Variants in MMP19 observed in about 807,000 individuals in gnomAD.
MMP19 encodes matrix metallopeptidase 19, also known as matrix metalloproteinase-19.
A neutral mutation model predicts 46.6 loss-of-function variants in MMP19; 47 were observed. The observed-to-expected ratio is 1.01, with a 90% CI of 0.80 to 1.29. MMP19 has a LOEUF of 1.29. MMP19 is among the 50% of genes most tolerant of loss of function. MMP19 has a pLI of 0.00. For missense variants in MMP19, 589 were observed against 643.5 expected, an observed-to-expected ratio of 0.92 and a Z score of 0.92; for synonymous variants, 222 against 248.5, an observed-to-expected ratio of 0.89 and a Z score of 1.00.
chr12:55,839,016 G>T (rs1008428354), intron 5 of MMP19, among the ~76,000 whole-genome samples: 2 of 152,062 alleles, frequency 1.3e-5, no homozygotes, highest in African/African-American at 2.4e-5. Context: ...GAGGCGGGTG[G>T]ATTGCCTGAG....
At position 55,839,534 on chromosome 12, in the gene MMP19, A is replaced by T. The variant is rs916534038; in HGVS notation, c.728T>A (p.Leu243Gln). ...VYEGYRPHFKLHPDDVAGIQA... is the reference protein window; with the variant it reads ...VYEGYRPHFKQHPDDVAGIQA... ...GATCCCTGCCACATCATCTGGGTGC[A>T]GCTTAAAGTGGGGCCGGTAGCCCTC... is the stretch of plus-strand genomic sequence containing the variant. Residue 243 changes from leucine (L) to glutamine (Q), a missense_variant, in exon 5 of 9, where the codon CTG (leucine) becomes CAG (glutamine). Leu to Gln is a moderately radical substitution (Grantham distance 113, BLOSUM62 -2). Coordinates refer to ENST00000322569, the MANE Select transcript of MMP19 (RefSeq NM_002429.6). 1 of 1,612,800 alleles carries T rather than the reference A, an allele frequency of 6.2e-7. No homozygotes were observed. Among genetic ancestry groups the T allele is most frequent in the African/African-American group, 1.3e-5 (1 of 74,906 alleles).
chr12:55,840,781 A>C lies in MMP19; in HGVS notation c.406T>G (p.Trp136Gly), dbSNP rs1459390595. 2 of 1,613,868 alleles carry C rather than the reference A, an allele frequency of 1.2e-6. No individual in the cohort carries two copies. Among genetic ancestry groups the C allele is most frequent in the Non-Finnish European group, 1.7e-6 (2 of 1,179,896 alleles). ...RAALRQAFQD[W>G]SNVAPLTFQE... Reference sequence around the variant, plus strand: ...AAGGTCAAGGGAGCCACATTGCTCCAGTCCTGGAAGGCTTGACGCAGGGCT... The same window carrying C: ...AAGGTCAAGGGAGCCACATTGCTCCCGTCCTGGAAGGCTTGACGCAGGGCT... Residue 136 changes from tryptophan (W) to glycine (G), a missense_variant, in exon 4 of 9, where the codon TGG becomes GGG. Transcript: ENST00000322569.
At chr12:55,838,764 G>A in intron 5 of MMP19, 30 bp from the exon 6 acceptor site, 3 of 1,529,666 alleles carry the variant, frequency 2.0e-6, no homozygotes, top group Non-Finnish European at 2.7e-6. Flanking sequence ...TGCTTAGGGA[G>A]AGAACTCACA....
chr12:55,838,063 C>G (rs1881391339), intron 6 of MMP19, 56 bp from the exon 7 acceptor site: 1 of 1,491,524 alleles, frequency 6.7e-7, no homozygotes, highest in African/African-American at 1.4e-5. Flanking sequence ...TAGACAGAAA[C>G]TTGGGGGTAT....
chr12:55,842,912 C>A lies in MMP19; in HGVS notation c.-82G>T. 1 of 1,060,622 alleles carries A rather than the reference C, an allele frequency of 9.4e-7. No individual in the cohort carries two copies. The highest frequency in any genetic ancestry group is 1.4e-5 in the South Asian group (1 of 73,904). 65.7% of individuals were successfully genotyped at this position (1,060,622 alleles called of 1,614,324 possible). On this transcript the variant is annotated 5_prime_UTR_variant, in exon 1 of 9. Coordinates refer to ENST00000322569, the MANE Select transcript of MMP19 (RefSeq NM_002429.6). ...GGAGCCTTGGGGGAGCAGTGCTAGGCAGAGGGGCTCTTACCCCCAGTTCTT... is the reference window on the plus strand; with the variant it reads ...GGAGCCTTGGGGGAGCAGTGCTAGGAAGAGGGGCTCTTACCCCCAGTTCTT...
rs769362237 is a variant in MMP19 at position 55,839,654 on chromosome 12, C to A, written c.608G>T (p.Gly203Val). 7 of 1,614,254 alleles carry A rather than the reference C, an allele frequency of 4.3e-6. No individual in the cohort carries two copies. The highest frequency in any genetic ancestry group is 5.9e-6 in the Non-Finnish European group (7 of 1,180,038). Residue 203 changes from glycine (G) to valine (V), a missense_variant, in exon 5 of 9, where the codon GGG (glycine) becomes GTG (valine). Coordinates refer to ENST00000322569, the MANE Select transcript of MMP19 (RefSeq NM_002429.6). ...GGCTGCAATGATGCGCAGGTTCACC[C>A]CACGGTAGGTCCCCTCAGTCCAGAA... ...DEFWTEGTYR[G>V]VNLRIIAAHE...
intron 5 of MMP19, among the ~76,000 whole-genome samples, chr12:55,838,978 G>A (rs1289595171): frequency 6.6e-6 from 1 of 152,152 alleles, no homozygotes; most frequent in Non-Finnish European, 1.5e-5. Flanking sequence ...GGTGGCTCAC[G>A]CCTATAATCC....
In MMP19 at chr12:55,842,757, T is replaced by A; in HGVS notation, c.74A>T (p.Glu25Val). The A allele has an allele frequency of 6.2e-7, 1 of 1,605,714 alleles. No homozygotes were observed. Among genetic ancestry groups the A allele is most frequent in the Non-Finnish European group, 8.5e-7 (1 of 1,176,512 alleles). The change falls in exon 1 of 9, where the codon GAG becomes GTG. Residue 25 changes from glutamate (E) to valine (V), a missense_variant. Glu to Val is a moderately radical substitution (Grantham distance 121, BLOSUM62 -2). Transcript: ENST00000322569. ...TVSGRVLGLA[E>V]VAPVDYLSQY... is the part of the protein sequence containing the mutation. ...TGGGGGACTTACCACAGGCGCCACCTCTGCAAGCCCCAGGACCCGGCCTGA... is the reference window on the plus strand; with the variant it reads ...TGGGGGACTTACCACAGGCGCCACCACTGCAAGCCCCAGGACCCGGCCTGA...
intron 2 of MMP19, 124 bp from the exon 3 acceptor site, chr12:55,841,360 G>C: frequency 9.0e-7 from 1 of 1,106,372 alleles, no homozygotes; most frequent in South Asian, 1.4e-5. Flanking sequence ...CCCTGAAGCT[G>C]ACAGGGTTAC....
rs17844801 is a variant in MMP19, at chr12:55,838,997, T to C, written c.767-263A>G. ...GCTCACGCCTATAATCCTAGGACTT[T>C]GGGAGGCTGAGGCGGGTGGATTGCC... On this transcript the variant is annotated intron_variant, in intron 5 of 8. Transcript: ENST00000322569. Among the ~76,000 whole-genome samples the C allele has an allele frequency of 5.5e-4, 83 of 152,238 alleles. 1 individual carries two copies. Among genetic ancestry groups the C allele is most frequent in the Admixed American group, 2.0e-3 (31 of 15,282 alleles).
chr12:55,838,406 A>G, intron 6 of MMP19, 200 bp downstream of exon 6: 1 of 1,239,386 alleles, frequency 8.1e-7, no homozygotes, highest in Non-Finnish European at 1.2e-6. Context: ...CAGCCTTGGT[A>G]AGTGCCTGCC....
Position 55,837,921 on chromosome 12 carries a change from C to A in MMP19, c.982G>T (p.Ala328Ser). ...TTTCCGGGGAGCCCCTCCCAAAGGG[C>A]AGACACTCGGAACAAGGGGCCCGGT... ...SGPGPLFRVS[A>S]LWEGLPGNLD... The change falls in exon 7 of 9, where the codon GCC (alanine) becomes TCC (serine). Residue 328 changes from alanine to serine, a missense_variant. By Grantham distance (99) the Ala-to-Ser change is moderately conservative. Coordinates refer to ENST00000322569, the MANE Select transcript of MMP19 (RefSeq NM_002429.6). 1 of 1,613,408 alleles carries A rather than the reference C, an allele frequency of 6.2e-7. No individual in the cohort carries two copies. Among genetic ancestry groups the A allele is most frequent in the Non-Finnish European group, 8.5e-7 (1 of 1,179,432 alleles).
chr12:55,837,473 C>G (rs1881321411), intron 8 of MMP19, 82 bp downstream of exon 8: 1 of 1,595,882 alleles, frequency 6.3e-7, no homozygotes, highest in Non-Finnish European at 8.5e-7. Context: ...GAACATCTCC[C>G]TTCAAGCGCA....
chr12:55,838,050 A>C, intron 6 of MMP19, 43 bp from the exon 7 acceptor site: 1 of 1,514,408 alleles, frequency 6.6e-7, no homozygotes, highest in Non-Finnish European at 8.9e-7. Context: ...GACAGAGGTC[A>C]AGTAGACAGA....
Position 55,835,909 on chromosome 12 carries a change from C to T in MMP19, c.*1127G>A, listed in dbSNP as rs1374431781. On this transcript the variant is annotated 3_prime_UTR_variant, in exon 9 of 9. Transcript: ENST00000322569. ...GGGCAGTGCCTGCCTCAGGACCTGC[C>T]TTCCCCAAAAGCTGGCTTCTTGCTC... 1 of 152,282 alleles carries T rather than the reference C, an allele frequency of 6.6e-6. No homozygotes were observed. The highest frequency in any genetic ancestry group is 2.4e-5 in the African/African-American group (1 of 41,440). 9.4% of individuals were successfully genotyped at this position (152,282 alleles called of 1,614,324 possible).
intron 6 of MMP19, 114 bp downstream of exon 6, chr12:55,838,492 G>C (rs144777717): frequency 1.2e-6 from 2 of 1,605,796 alleles, no homozygotes; most frequent in Non-Finnish European, 1.7e-6. Context: ...TAATGCCTGG[G>C]GTCTAACCTC....
chr12:55,838,992 G>A (rs1049451067), intron 5 of MMP19, among the ~76,000 whole-genome samples: 2 of 152,074 alleles, frequency 1.3e-5, no homozygotes, highest in African/African-American at 2.4e-5. Context: ...ATAATCCTAG[G>A]ACTTTGGGAG....
At chr12:55,840,519 C>T in intron 4 of MMP19, 148 bp downstream of exon 4, 1 of 714,544 alleles carries the variant, frequency 1.4e-6, no homozygotes, top group Non-Finnish European at 2.2e-6. Flanking sequence ...CCAACTGCGC[C>T]CGTGCTCCCG....
At chr12:55,837,443 C>A in intron 8 of MMP19, 69 bp from the exon 9 acceptor site, 1 of 1,575,962 alleles carries the variant, frequency 6.3e-7, no homozygotes, top group South Asian at 1.2e-5. Context: ...GGGGTCCACC[C>A]CCAGCCCACT....
Sources: allele counts gnomAD v4.1 joint callset (sites outside exome capture counted in the v4.1 genomes callset), GRCh38; gene constraint gnomAD v4.1.1; transcripts MANE v1.5; gene names NCBI Gene and HGNC (gene_info 2026-07-23, HGNC 2026-07-21).